RPP30: variants seen among roughly 807,000 people sequenced by gnomAD.
RPP30 encodes the protein ribonuclease P/MRP subunit p30, also known as ribonuclease P protein subunit p30.
RPP30 carries 36 observed loss-of-function variants against 38.6 expected under a neutral mutation model. The observed-to-expected ratio is 0.93, with a 90% CI of 0.71 to 1.23. The LOEUF is 1.23. Ranked by LOEUF, RPP30 falls within the 50% of genes most tolerant of loss-of-function variation. The pLI is 0.00. For synonymous variants in RPP30, 126 were observed against 112.7 expected, an observed-to-expected ratio of 1.12 and a Z score of -0.75; for missense variants, 321 against 321.7, an observed-to-expected ratio of 1.00 and a Z score of 0.02.
rs1030760735 is a variant in RPP30, at chr10:90,901,312, C to G, written c.*633C>G. On this transcript the variant is annotated 3_prime_UTR_variant, in exon 11 of 11. Transcript: ENST00000371703. The stretch of plus-strand genomic sequence containing the variant: ...GTTTGAATATTTTAAGAGCTTCTTT[C>G]GAAAGTTTCTTGTTCATACTCAAAT... The G allele has an allele frequency of 4.1e-6, 4 of 984,866 alleles. No homozygotes were observed. Among genetic ancestry groups the G allele is most frequent in the African/African-American group, 1.7e-5 (1 of 57,162 alleles). 61.0% of individuals were successfully genotyped at this position (984,866 alleles called of 1,614,324 possible). A position where few individuals can be genotyped will look rare whatever the true frequency, so the allele number is the denominator to read the frequency against.
chr10:90,890,637 A>C (rs1847069582), intron 6 of RPP30, among the ~76,000 whole-genome samples: 1 of 152,170 alleles, frequency 6.6e-6, no homozygotes, highest in Non-Finnish European at 1.5e-5. Context: ...TACTGTGTCC[A>C]TTCAGTGCCA....
At chr10:90,892,504 C>T (rs570052840) in intron 6 of RPP30, among the ~76,000 whole-genome samples, 6 of 151,996 alleles carry the variant, frequency 3.9e-5, no homozygotes, top group Non-Finnish European at 5.9e-5. Flanking sequence ...CCCCTCCCCC[C>T]GCAAAAGTTG....
At chr10:90,902,199 A>G (rs933170964), downstream of RPP30, 38 of 841,458 alleles carry the variant, frequency 4.5e-5, no homozygotes, top group African/African-American at 1.9e-5. Flanking sequence ...GTGCATCATG[A>G]CCAGGTGAAA....
intron 6 of RPP30, among the ~76,000 whole-genome samples, chr10:90,893,403 AT>A (rs775234811): frequency 9.2e-5 from 14 of 152,292 alleles, no homozygotes; most frequent in Admixed American, 2.0e-4. Context: ...GACTTGGACC[AT>A]ACTGCCTAGA....
At position 90,901,672 on chromosome 10, in the gene RPP30, G is replaced by A. The variant is rs552341736; in HGVS notation, c.*993G>A. ...TATTTTTATAATGGGATCATGTTAA[G>A]TAGAAGTAGCTTTTTATGCAAATAC... On this transcript the variant is annotated 3_prime_UTR_variant, in exon 11 of 11. Coordinates refer to ENST00000371703, the MANE Select transcript of RPP30 (RefSeq NM_006413.5). 9.4e-5 allele frequency: 93 copies of A among 985,048 alleles called. No individual in the cohort carries two copies. In the African/African-American group the frequency reaches 1.5e-3, roughly 16 times the overall value. 61.0% of individuals were successfully genotyped at this position (985,048 alleles called of 1,614,324 possible).
chr10:90,904,280 T>C (rs1847230824), downstream of RPP30, among the ~76,000 whole-genome samples: 1 of 152,178 alleles, frequency 6.6e-6, no homozygotes, highest in South Asian at 2.1e-4. Flanking sequence ...GATACTGAAA[T>C]AATTGGTTAT....
Position 90,894,842 on chromosome 10 carries a change from G to C in RPP30, c.500G>C (p.Arg167Thr), listed in dbSNP as rs769375015. The C allele has an allele frequency of 6.2e-7, 1 of 1,613,390 alleles. No homozygotes were observed. The highest frequency in any genetic ancestry group is 1.1e-5 in the South Asian group (1 of 91,062). Residue 167 changes from arginine to threonine, a missense_variant, in exon 7 of 11, where the codon AGG becomes ACG. By Grantham distance (71) the Arg-to-Thr change is moderately conservative. Transcript: ENST00000371703. ...GCTATCAAAGACTCCACAATGAGAAGGTATACAATTTCCAGTGCCCTCAAT... is the reference window on the plus strand; with the variant it reads ...GCTATCAAAGACTCCACAATGAGAACGTATACAATTTCCAGTGCCCTCAAT... The part of the protein sequence containing the change: ...SPAIKDSTMR[R>T]YTISSALNLM...
At chr10:90,889,844 T>A (rs1319850135) in intron 6 of RPP30, among the ~76,000 whole-genome samples, 1 of 152,170 alleles carries the variant, frequency 6.6e-6, no homozygotes, top group African/African-American at 2.4e-5. Context: ...AATTATGCAA[T>A]TTCCTCTAAA....
chr10:90,873,200 T>C (rs1194951740), intron 1 of RPP30, among the ~76,000 whole-genome samples: 1 of 152,188 alleles, frequency 6.6e-6, no homozygotes, highest in Non-Finnish European at 1.5e-5. Context: ...TTAATGCTTG[T>C]GGAATAAACT....
downstream of RPP30, chr10:90,905,155 G>A (rs557432815): frequency 9.2e-5 from 14 of 152,292 alleles, no homozygotes; most frequent in East Asian, 2.7e-3. Flanking sequence ...GGTTTCATAT[G>A]CTTAGCTTTT....
Position 90,876,088 on chromosome 10 carries a change from GC to G in RPP30, c.261del (p.Cys87Ter). 1 of 1,565,720 alleles carries G rather than the reference GC, an allele frequency of 6.4e-7. No homozygotes were observed. Among genetic ancestry groups the G allele is most frequent in the East Asian group, 2.2e-5 (1 of 44,552 alleles). ...ATTATTGTCTCGGATCCATCTCACT[GC>G]AATGTTTTGGTAAGTTAATTATTTT... ...LTIIVSDPSH[C>X]NVLRATSSRA... On this transcript the variant is annotated frameshift_variant, in exon 4 of 11. Coordinates refer to ENST00000371703, the MANE Select transcript of RPP30 (RefSeq NM_006413.5). LOFTEE classifies it high-confidence loss of function.
intron 3 of RPP30, 117 bp from the exon 4 acceptor site, chr10:90,875,907 T>C: frequency 1.5e-6 from 1 of 654,808 alleles, no homozygotes; most frequent in Non-Finnish European, 2.7e-6. Flanking sequence ...GACTGGGTTT[T>C]ATTGATCTTC....
chr10:90,875,364 A>T (rs1846837487), intron 2 of RPP30, among the ~76,000 whole-genome samples, 194 bp from the exon 3 acceptor site: 1 of 152,124 alleles, frequency 6.6e-6, no homozygotes, highest in African/African-American at 2.4e-5. Context: ...CTATTCACTG[A>T]TGTTTACAGT....
downstream of RPP30, among the ~76,000 whole-genome samples, chr10:90,902,671 G>A (rs920362058): frequency 1.3e-5 from 2 of 152,134 alleles, no homozygotes; most frequent in Non-Finnish European, 2.9e-5. Flanking sequence ...AAAACCCATG[G>A]CAAAATTAAA....
rs1395350970 is a variant in RPP30 at position 90,901,521 on chromosome 10, A to G, written c.*842A>G. The G allele has an allele frequency of 2.0e-5, 20 of 985,172 alleles. No individual in the cohort carries two copies. Among genetic ancestry groups the G allele is most frequent in the Non-Finnish European group, 2.3e-5 (19 of 829,834 alleles). The allele number at this position is 985,172 out of a possible 1,614,324, so 61.0% of individuals were successfully genotyped here. On this transcript the variant is annotated 3_prime_UTR_variant, in exon 11 of 11. Transcript: ENST00000371703. ...TCTCTTCCTTCACTGCTTCATGCCTACGTAAGGTCTTTGAAATAGGATTCC... is the reference window on the plus strand; with the variant it reads ...TCTCTTCCTTCACTGCTTCATGCCTGCGTAAGGTCTTTGAAATAGGATTCC...
At chr10:90,890,322 C>T (rs545603937) in intron 6 of RPP30, among the ~76,000 whole-genome samples, 2 of 152,170 alleles carry the variant, frequency 1.3e-5, no homozygotes, top group East Asian at 1.9e-4. Context: ...CTTTACTTTC[C>T]CTTTGATTTT....
intron 4 of RPP30, 21 bp from the exon 5 acceptor site, chr10:90,879,034 GTATGATAA>G (rs1258777232): frequency 1.9e-6 from 3 of 1,576,868 alleles, no homozygotes; most frequent in Non-Finnish European, 2.6e-6. Flanking sequence ...TTTTGTTATT[GTATGATAA>G]CATTCTTTTT....
downstream of RPP30, among the ~76,000 whole-genome samples, chr10:90,904,808 T>G (rs550918885): frequency 4.1e-4 from 63 of 152,196 alleles, no homozygotes; most frequent in Non-Finnish European, 8.5e-4. Flanking sequence ...TGAGACTCTG[T>G]CTAAAAAAAA....
intron 6 of RPP30, among the ~76,000 whole-genome samples, chr10:90,891,864 G>T (rs1317057661): frequency 6.6e-6 from 1 of 152,120 alleles, no homozygotes; most frequent in Non-Finnish European, 1.5e-5. Context: ...ACTTTTTATT[G>T]TTTTCTTATG....
Sources: gnomAD v4.1 joint callset for allele counts (sites outside exome capture counted in the v4.1 genomes callset) on GRCh38, gnomAD v4.1.1 for gene constraint, MANE v1.5 for transcripts, NCBI Gene and HGNC (gene_info 2026-07-23, HGNC 2026-07-21) for gene names.